Variants in SLC7A8 observed in about 807,000 individuals in gnomAD.
SLC7A8 encodes the protein large neutral amino acids transporter small subunit 2.
In SLC7A8, 30 loss-of-function variants were observed where a neutral mutation model predicts 51.2. The ratio of observed to expected loss-of-function variants is 0.59; its 90% CI spans 0.44 to 0.80. The LOEUF (loss-of-function observed/expected upper bound fraction) is 0.80, where lower values mean the gene tolerates loss of function less well. SLC7A8 is among the 30% of genes least tolerant of loss of function. The pLI is 0.00. For missense variants in SLC7A8, 612 were observed against 674.4 expected (o/e 0.91, Z 1.03); for synonymous variants, 257 against 275.8 (o/e 0.93, Z 0.67).
Position 23,183,137 on chromosome 14 carries a change from TAAAAAA to T in SLC7A8, c.-229_-224del. Reference sequence around the variant, plus strand: ...CGTTTACAAACAAGAAAAGTGTTGCTAAAAAAAAAAAAAAAAAAAAAGGCCAGGGGA... The same window carrying T: ...CGTTTACAAACAAGAAAAGTGTTGCTAAAAAAAAAAAAAAAGGCCAGGGGA... On this transcript the variant is annotated 5_prime_UTR_variant, in exon 1 of 11. An upstream open reading frame in the 5' UTR gains an earlier in-frame stop. Coordinates refer to ENST00000316902, the MANE Select transcript of SLC7A8 (RefSeq NM_012244.4). 2 of 90,316 alleles carry T rather than the reference TAAAAAA, an allele frequency of 2.2e-5. No homozygotes were observed. The highest frequency in any genetic ancestry group is 3.3e-4 in the South Asian group (1 of 3,002). 5.6% of individuals were successfully genotyped at this position (90,316 alleles called of 1,614,324 possible).
chr14:23,143,055 A>T, intron 4 of SLC7A8, 24 bp downstream of exon 4: 1 of 1,612,974 alleles, frequency 6.2e-7, no homozygotes, highest in Non-Finnish European at 8.5e-7. Context: ...GCTGGGCAGT[A>T]CCTGTTTTTC....
At chr14:23,160,088 G>A (rs1265160297) in intron 3 of SLC7A8, among the ~76,000 whole-genome samples, 2 of 152,172 alleles carry the variant, frequency 1.3e-5, no homozygotes, top group Non-Finnish European at 2.9e-5. Flanking sequence ...TGAATGAAAG[G>A]TGATCCAGTC....
chr14:23,137,224 G>A (rs1300248736), intron 7 of SLC7A8, among the ~76,000 whole-genome samples: 2 of 152,178 alleles, frequency 1.3e-5, no homozygotes, highest in Admixed American at 1.3e-4. Flanking sequence ...TCGTGGACCC[G>A]CTCGCACTTC....
At chr14:23,156,276 G>GA (rs1337795258) in intron 3 of SLC7A8, 1 of 152,236 alleles carries the variant, frequency 6.6e-6, no homozygotes, top group Non-Finnish European at 1.5e-5. Flanking sequence ...GGGATTACAG[G>GA]AATGAGCCAC....
chr14:23,182,025 C>T (rs906434168), intron 1 of SLC7A8, among the ~76,000 whole-genome samples: 5 of 152,254 alleles, frequency 3.3e-5, no homozygotes, highest in Admixed American at 3.3e-4. Flanking sequence ...TCCTCCTCAA[C>T]TCCATATTCT....
chr14:23,147,360 C>T (rs567691517), intron 3 of SLC7A8, among the ~76,000 whole-genome samples: 5 of 152,280 alleles, frequency 3.3e-5, no homozygotes, highest in Admixed American at 6.5e-5. Context: ...GGCAGTATAA[C>T]AGGGACGACG....
intron 3 of SLC7A8, among the ~76,000 whole-genome samples, chr14:23,145,197 G>T (rs373166766): frequency 1.3e-5 from 2 of 150,686 alleles, no homozygotes; most frequent in African/African-American, 4.9e-5. Context: ...ACAGGCAGGA[G>T]CCACCGCCCG....
chr14:23,135,678 G>T (rs2048683787), intron 7 of SLC7A8, among the ~76,000 whole-genome samples: 1 of 151,028 alleles, frequency 6.6e-6, no homozygotes, highest in African/African-American at 2.4e-5. Context: ...CTCCAGCCTG[G>T]GCGACAGAGC....
chr14:23,140,386 G>T, intron 5 of SLC7A8, 85 bp downstream of exon 5: 1 of 1,380,292 alleles, frequency 7.2e-7, no homozygotes, highest in Non-Finnish European at 9.9e-7. Context: ...AGGCGAGGTG[G>T]GCAATGGACA....
chr14:23,137,620 G>A (rs1013489206), intron 7 of SLC7A8, among the ~76,000 whole-genome samples: 11 of 152,318 alleles, frequency 7.2e-5, no homozygotes, highest in Admixed American at 5.9e-4. Context: ...GACTGGGGGC[G>A]GCGTCAGGCA....
Position 23,139,557 on chromosome 14 carries a change from G to T in SLC7A8, c.789-10C>A. 2 of 1,611,140 alleles carry T rather than the reference G, an allele frequency of 1.2e-6. No homozygotes were observed. The highest frequency in any genetic ancestry group is 1.3e-5 in the African/African-American group (1 of 74,996). ...GGCTCTGGGAAGGTTCCTGTAGAGG[G>T]AGAGGAGGTGAGGGGAAGGGCTGGC... is the stretch of plus-strand genomic sequence containing the variant. On this transcript the variant is annotated splice_polypyrimidine_tract_variant and intron_variant, in intron 5 of 10. Coordinates refer to ENST00000316902, the MANE Select transcript of SLC7A8 (RefSeq NM_012244.4).
intron 3 of SLC7A8, among the ~76,000 whole-genome samples, chr14:23,143,711 T>C (rs1192810085): frequency 1.3e-5 from 2 of 152,238 alleles, no homozygotes; most frequent in African/African-American, 4.8e-5. Flanking sequence ...ATTTGACAAA[T>C]GCATTTAATG....
At chr14:23,173,090 T>G (rs2048982724) in intron 1 of SLC7A8, among the ~76,000 whole-genome samples, 1 of 152,228 alleles carries the variant, frequency 6.6e-6, no homozygotes, top group African/African-American at 2.4e-5. Context: ...CAATCTTGAA[T>G]AATGATTTGT....
intron 3 of SLC7A8, among the ~76,000 whole-genome samples, chr14:23,151,245 G>A (rs576509450): frequency 4.6e-5 from 7 of 152,278 alleles, no homozygotes; most frequent in South Asian, 2.1e-4. Context: ...CACAGTAGGC[G>A]CTAAAGCTTA....
In SLC7A8 at chr14:23,155,109, T is replaced by A. The variant is rs942765925; in HGVS notation, c.508+10176A>T. On this transcript the variant is annotated intron_variant, in intron 3 of 10. Transcript: ENST00000316902. ...GTGTGGTTTTGAAACAGATCTTGCC[T>A]ATCGCACGATAGTAACATTTCCCCT... The A allele has an allele frequency of 4.7e-6, 7 of 1,480,990 alleles. No individual in the cohort carries two copies. The African/African-American group carries it at 5.6e-5, about 12-fold the overall frequency. The allele number at this position is 1,480,990 out of a possible 1,614,324, so 91.7% of individuals were successfully genotyped here.
chr14:23,180,907 G>A (rs1594844203), intron 1 of SLC7A8, among the ~76,000 whole-genome samples: 1 of 152,078 alleles, frequency 6.6e-6, no homozygotes, highest in South Asian at 2.1e-4. Context: ...GGCGCCTGTA[G>A]TCCCAGCTAC....
chr14:23,181,859 A>G (rs1877197361), intron 1 of SLC7A8, among the ~76,000 whole-genome samples: 1 of 152,252 alleles, frequency 6.6e-6, no homozygotes, highest in Admixed American at 6.5e-5. Flanking sequence ...TTCTCTGGAA[A>G]GAGGATGTGC....
chr14:23,152,112 CAG>C (rs1478118478), intron 3 of SLC7A8, among the ~76,000 whole-genome samples: 1 of 152,170 alleles, frequency 6.6e-6, no homozygotes, highest in East Asian at 1.9e-4. Context: ...ACGTTATTCC[CAG>C]AGAGAGACTA....
At position 23,165,283 on chromosome 14, in the gene SLC7A8, A is replaced by G. The variant is rs1195878885; in HGVS notation, c.508+2T>C. 2 of 1,609,352 alleles carry G rather than the reference A, an allele frequency of 1.2e-6. No homozygotes were observed. The highest frequency in any genetic ancestry group is 1.7e-6 in the Non-Finnish European group (2 of 1,178,124). The stretch of plus-strand genomic sequence containing the variant: ...TGCTACCAAGACCCAGATGACACTT[A>G]CATAAGCAGATGGCAGCCAGGAGCC... On this transcript the variant is annotated splice_donor_variant, in intron 3 of 10. Coordinates refer to ENST00000316902, the MANE Select transcript of SLC7A8 (RefSeq NM_012244.4). LOFTEE classifies it high-confidence loss of function. The surrounding 1 kb of genome is among the most constrained non-coding windows in gnomAD (Gnocchi z 4.2).
Sources: gnomAD v4.1 joint callset for allele counts (sites outside exome capture counted in the v4.1 genomes callset) on GRCh38, gnomAD v4.1.1 for gene constraint, Gnocchi (gnomAD v3.1) non-coding constraint, MANE v1.5 for transcripts, NCBI Gene and HGNC (gene_info 2026-07-23, HGNC 2026-07-21) for gene names.